The following CNOT2 variants were observed in gnomAD, a reference collection of about 807,000 sequenced individuals.
CNOT2 encodes the protein CCR4-NOT transcription complex subunit 2.
CNOT2 carries 7 observed loss-of-function variants against 72.1 expected under a neutral mutation model. The ratio of observed to expected loss-of-function variants is 0.10; its 90% CI spans 0.06 to 0.18. The LOEUF (loss-of-function observed/expected upper bound fraction) is 0.18, where lower values mean the gene tolerates loss of function less well. Among genes scored for constraint, CNOT2 ranks in the 10% least tolerant of loss-of-function variants. The probability of loss-of-function intolerance (pLI) is 1.00; values close to 1 mark genes in which losing one functional copy is unlikely to be tolerated. For missense variants in CNOT2, 345 were observed against 660.3 expected, an observed-to-expected ratio of 0.52 and a Z score of 5.23; for synonymous variants, 196 against 225.6, an observed-to-expected ratio of 0.87 and a Z score of 1.17.
intron 2 of CNOT2, among the ~76,000 whole-genome samples, chr12:70,306,250 G>C (rs752769978): frequency 6.6e-6 from 1 of 152,110 alleles, no homozygotes; most frequent in African/African-American, 2.4e-5. Context: ...CCACCTCCTG[G>C]GTTCAAGCAG....
chr12:70,294,898 A>C (rs1015314895), intron 2 of CNOT2, among the ~76,000 whole-genome samples: 2 of 152,190 alleles, frequency 1.3e-5, no homozygotes, highest in Admixed American at 6.5e-5. Flanking sequence ...GTAATTCAGC[A>C]AATGTTTGTT....
chr12:70,274,123 T>C (rs947918753), intron 1 of CNOT2, among the ~76,000 whole-genome samples: 5 of 152,112 alleles, frequency 3.3e-5, no homozygotes, highest in Non-Finnish European at 5.9e-5. Flanking sequence ...GTTTTATTTA[T>C]TTTTATTTCA....
intron 2 of CNOT2, chr12:70,294,406 T>C: frequency 1.8e-6 from 1 of 552,848 alleles, no homozygotes; most frequent in South Asian, 2.1e-5. Flanking sequence ...AGAAATATAA[T>C]GTTTGTTATC....
At chr12:70,314,138 A>G (rs1241521471) in intron 3 of CNOT2, among the ~76,000 whole-genome samples, 1 of 152,070 alleles carries the variant, frequency 6.6e-6, no homozygotes, top group African/African-American at 2.4e-5. Context: ...TGCAGTTGCC[A>G]TTTTCATTGC....
intron 7 of CNOT2, 48 bp from the exon 8 acceptor site, chr12:70,335,389 TA>T: frequency 7.1e-7 from 1 of 1,407,144 alleles, no homozygotes; most frequent in Non-Finnish European, 1.0e-6. Context: ...TATAATCTCT[TA>T]AAAAATATTT....
intron 2 of CNOT2, among the ~76,000 whole-genome samples, chr12:70,303,799 T>C (rs1318449894): frequency 2.0e-5 from 3 of 152,204 alleles, no homozygotes; most frequent in Non-Finnish European, 4.4e-5. Context: ...CTGGATAATA[T>C]CCTCCAGAGT....
At chr12:70,284,121 T>G (rs956748060) in intron 2 of CNOT2, among the ~76,000 whole-genome samples, 2 of 151,880 alleles carry the variant, frequency 1.3e-5, no homozygotes, top group Non-Finnish European at 1.5e-5. Flanking sequence ...GTGTATTTGT[T>G]TTTTGGTAGA....
chr12:70,305,759 A>G (rs1163592074), intron 2 of CNOT2, among the ~76,000 whole-genome samples: 1 of 151,210 alleles, frequency 6.6e-6, no homozygotes, highest in Non-Finnish European at 1.5e-5. Flanking sequence ...TCCTCTGTGT[A>G]TCTTCAGGCC....
chr12:70,354,150 A>G lies in CNOT2; in HGVS notation c.*235A>G. 1 of 701,740 alleles carries G rather than the reference A, an allele frequency of 1.4e-6. No homozygotes were observed. Among genetic ancestry groups the G allele is most frequent in the Non-Finnish European group, 2.0e-6 (1 of 497,326 alleles). The allele number at this position is 701,740 out of a possible 1,614,324, so 43.5% of individuals were successfully genotyped here. A position where few individuals can be genotyped will look rare whatever the true frequency, so the allele number is the denominator to read the frequency against. ...TTTCTCTAGTTTGAGCAGGGTCTGA[A>G]TTTTTTCATTTATTTCCTTTTTTGC... On this transcript the variant is annotated 3_prime_UTR_variant, in exon 16 of 16. Transcript: ENST00000229195.
At chr12:70,293,003 CAAT>C (rs1195268694) in intron 2 of CNOT2, among the ~76,000 whole-genome samples, 1 of 152,074 alleles carries the variant, frequency 6.6e-6, no homozygotes. Flanking sequence ...TTGTCACCTT[CAAT>C]AATATCTATT....
At chr12:70,290,651 C>CTT (rs1344959719) in intron 2 of CNOT2, 2 of 67,648 alleles carry the variant, frequency 3.0e-5, no homozygotes, top group Admixed American at 3.1e-4. Context: ...TACCACACTA[C>CTT]TCTCTCGGTT....
At position 70,257,657 on chromosome 12, in the gene CNOT2, G is replaced by A. The variant is rs59823680; in HGVS notation, c.-96+14177G>A. Among the ~76,000 whole-genome samples, 1,075 of 151,856 alleles carry A rather than the reference G, an allele frequency of 7.1e-3. 5 individuals are homozygous for A. The highest frequency in any genetic ancestry group is 0.023 in the African/African-American group (969 of 41,414). ...GCTGGGATTACAGGTGTGAGCCACC[G>A]CGCCCGGCCCCAACTACCCTTTTCT... On this transcript the variant is annotated intron_variant, in intron 1 of 15. Transcript: ENST00000229195.
intron 1 of CNOT2, among the ~76,000 whole-genome samples, chr12:70,272,990 A>G (rs1868293565): frequency 6.6e-6 from 1 of 152,072 alleles, no homozygotes; most frequent in African/African-American, 2.4e-5. Flanking sequence ...CCATTCTCTT[A>G]TTAATGCCAT....
chr12:70,276,039 G>C (rs944259550), intron 1 of CNOT2, among the ~76,000 whole-genome samples: 4 of 151,966 alleles, frequency 2.6e-5, no homozygotes, highest in Admixed American at 1.3e-4. Flanking sequence ...AATGGCTATG[G>C]ATTGAAACTC....
At chr12:70,313,779 C>T (rs1463639422) in intron 3 of CNOT2, among the ~76,000 whole-genome samples, 1 of 152,118 alleles carries the variant, frequency 6.6e-6, no homozygotes, top group Non-Finnish European at 1.5e-5. Flanking sequence ...CAAAAACAGG[C>T]AGTGTGCTGG....
intron 2 of CNOT2, among the ~76,000 whole-genome samples, chr12:70,293,322 G>A (rs201507021): frequency 6.6e-6 from 1 of 151,826 alleles, no homozygotes. Context: ...CACCATGCCC[G>A]GCTAATTTTG....
intron 4 of CNOT2, among the ~76,000 whole-genome samples, chr12:70,327,144 G>T: frequency 6.6e-6 from 1 of 151,804 alleles, no homozygotes; most frequent in Admixed American, 6.6e-5. Flanking sequence ...GTTAAAAGGG[G>T]GCCAAAAGGG....
At chr12:70,293,034 G>A (rs1388091190) in intron 2 of CNOT2, among the ~76,000 whole-genome samples, 1 of 151,982 alleles carries the variant, frequency 6.6e-6, no homozygotes, top group Non-Finnish European at 1.5e-5. Context: ...TTGAACAGAT[G>A]TCTTAAATAA....
At chr12:70,260,954 T>A (rs1178952285) in intron 1 of CNOT2, among the ~76,000 whole-genome samples, 1 of 151,996 alleles carries the variant, frequency 6.6e-6, no homozygotes, top group Non-Finnish European at 1.5e-5. Flanking sequence ...TTATCTCTGA[T>A]CATATAAGGA....
Sources: allele counts gnomAD v4.1 joint callset (sites outside exome capture counted in the v4.1 genomes callset), GRCh38; gene constraint gnomAD v4.1.1; transcripts MANE v1.5; gene names NCBI Gene and HGNC (gene_info 2026-07-23, HGNC 2026-07-21).